NRXN2: variants seen among roughly 807,000 people sequenced by gnomAD.
The protein encoded by NRXN2 is neurexin-2-beta.
A neutral mutation model predicts 128.8 loss-of-function variants in NRXN2; 29 were observed. The observed-to-expected ratio is 0.23, with a 90% confidence interval of 0.17 to 0.31. NRXN2 has a LOEUF of 0.31. NRXN2 is among the 10% of genes least tolerant of loss of function. The pLI is 1.00. For synonymous variants in NRXN2, 1,098 were observed against 1,075.2 expected (o/e 1.02, Z -0.41); for missense variants, 1,881 against 2,452.6 (o/e 0.77, Z 4.92).
intron 2 of NRXN2, among the ~76,000 whole-genome samples, chr11:64,710,526 A>G (rs987907167): frequency 3.3e-5 from 5 of 152,040 alleles, no homozygotes; most frequent in Admixed American, 6.5e-5. Flanking sequence ...TGCATTTTTC[A>G]CACACCCAAG....
At position 64,690,452 on chromosome 11, in the gene NRXN2, C is replaced by A. The variant is rs370382400; in HGVS notation, c.803G>T (p.Gly268Val). The A allele has an allele frequency of 9.5e-5, 154 of 1,613,570 alleles. 2 individuals carry two copies. The South Asian group carries it at 1.1e-3, about 12-fold the overall frequency. The change falls in exon 5 of 23, where the codon GGG (glycine) becomes GTG (valine). Residue 268 changes from glycine (G) to valine (V), a missense_variant. By Grantham distance (109) the Gly-to-Val change is moderately radical. This residue lies in a region of NRXN2 where 997 missense variants were observed against 1,240.8 expected (regional missense o/e 0.80). Coordinates refer to ENST00000265459, the MANE Select transcript of NRXN2 (RefSeq NM_015080.4). ...GCCGGCTCCTCCTCTCCCGGCCCCC[C>A]CCTCGGAGAACAGTAAGGACCCTAC... ...SEVGSLLFSE[G>V]GAGRGGAGDV...
In NRXN2 at chr11:64,622,854, G is replaced by C; in HGVS notation, c.4072C>G (p.Leu1358Val). Residue 1358 changes from leucine to valine, a missense_variant, in exon 21 of 23, where the codon CTG becomes GTG. This residue lies in a region of NRXN2 where 108 missense variants were observed against 165.2 expected (regional missense o/e 0.65). Coordinates refer to ENST00000265459, the MANE Select transcript of NRXN2 (RefSeq NM_015080.4). The surrounding 1 kb of genome is among the most constrained non-coding windows in gnomAD (Gnocchi z 4.3). ...LSAETTATTL[L>V]ADMATTIMET... ...ATGATGGTGGTGGCCATGTCAGCCAGCAGGGTGGTGGCCGTGGTCTCCGCA... is the reference window on the plus strand; with the variant it reads ...ATGATGGTGGTGGCCATGTCAGCCACCAGGGTGGTGGCCGTGGTCTCCGCA... 6.2e-7 allele frequency: 1 copy of C among 1,612,656 alleles called. No individual in the cohort carries two copies. The highest frequency in any genetic ancestry group is 8.5e-7 in the Non-Finnish European group (1 of 1,179,908).
At position 64,622,646 on chromosome 11, in the gene NRXN2, C is replaced by A; in HGVS notation, c.4173+107G>T. 3 of 1,469,838 alleles carry A rather than the reference C, an allele frequency of 2.0e-6. No homozygotes were observed. Among genetic ancestry groups the A allele is most frequent in the Non-Finnish European group, 1.8e-6 (2 of 1,089,528 alleles). The allele number at this position is 1,469,838 out of a possible 1,614,324, so 91.0% of individuals were successfully genotyped here. A position where few individuals can be genotyped will look rare whatever the true frequency, so the allele number is the denominator to read the frequency against. On this transcript the variant is annotated intron_variant, in intron 21 of 22. Coordinates refer to ENST00000265459, the MANE Select transcript of NRXN2 (RefSeq NM_015080.4). The surrounding 1 kb of genome is among the most constrained non-coding windows in gnomAD (Gnocchi z 4.3). The stretch of plus-strand genomic sequence containing the variant: ...GCGACAGCAGCCTTCAGGATCCCAA[C>A]AGACCCCTTGGACCCTCACTCTAGG...
intron 11 of NRXN2, among the ~76,000 whole-genome samples, chr11:64,658,797 C>G (rs1050115336): frequency 2.0e-5 from 3 of 152,146 alleles, no homozygotes; most frequent in Non-Finnish European, 4.4e-5. Flanking sequence ...GAGGCCGAGG[C>G]GGGTGGATCA....
intron 5 of NRXN2, chr11:64,688,874 C>G: frequency 1.1e-6 from 1 of 928,306 alleles, no homozygotes; most frequent in Non-Finnish European, 1.3e-6. Flanking sequence ...CCCCTCCGCC[C>G]TCCCTACTCT....
chr11:64,720,942 G>A (rs1490757320), intron 1 of NRXN2, among the ~76,000 whole-genome samples: 1 of 152,142 alleles, frequency 6.6e-6, no homozygotes, highest in African/African-American at 2.4e-5. Flanking sequence ...GTGGTTGGAT[G>A]GGGGCTGTGT....
At position 64,651,557 on chromosome 11, in the gene NRXN2, G is replaced by A. The variant is rs754628467; in HGVS notation, c.2616C>T (p.Ser872=). The A allele has an allele frequency of 1.3e-5, 21 of 1,613,982 alleles. No individual in the cohort carries two copies. The highest frequency in any genetic ancestry group is 5.0e-5 in the Admixed American group (3 of 59,998). Residue 872 remains serine, a synonymous_variant, in exon 14 of 23, where the codon TCC becomes TCT. Coordinates refer to ENST00000265459, the MANE Select transcript of NRXN2 (RefSeq NM_015080.4). This position sits in a 1 kb window ranked among gnomAD's most constrained non-coding sequence, Gnocchi z 5.9. ...GCCCGATGAAGTTGGAGGGCACCAC[G>A]GAGATAAACCGCCGCTCCGTCATGA... ...TGIMTERRFI[S]VVPSNFIGHL... is the part of the protein sequence containing the mutation.
chr11:64,607,748 G>A lies in NRXN2; in HGVS notation c.4587C>T (p.Pro1529=). ...GGTTGGGCCGGGGAGCGGGTTTGCG[G>A]GGTGACAGGAGGGTGGTGCGGTCCG... ...LVTDRTTLLS[P]RKPAPRPNLR... is the part of the protein sequence containing the mutation. Residue 1529 remains proline (P), a synonymous_variant, in exon 23 of 23, where the codon CCC becomes CCT. Transcript: ENST00000265459. 1 of 1,580,250 alleles carries A rather than the reference G, an allele frequency of 6.3e-7. No individual in the cohort carries two copies. The highest frequency in any genetic ancestry group is 8.6e-7 in the Non-Finnish European group (1 of 1,163,462).
In NRXN2 at chr11:64,631,049, C is replaced by T. The variant is rs1339099901; in HGVS notation, c.3586-476G>A. Among the ~76,000 whole-genome samples the T allele has an allele frequency of 6.6e-6, 1 of 152,220 alleles. No homozygotes were observed. The highest frequency in any genetic ancestry group is 2.4e-5 in the African/African-American group (1 of 41,462). On this transcript the variant is annotated intron_variant, in intron 18 of 22. Transcript: ENST00000265459. The surrounding 1 kb of genome is among the most constrained non-coding windows in gnomAD (Gnocchi z 4.8). The stretch of plus-strand genomic sequence containing the variant: ...GTCCCCAGTCTCCAGCCTCTCCTCC[C>T]TGGTATGCTCTGTACCAAGCAGGCC...
At chr11:64,610,283 C>T (rs1388661750) in intron 22 of NRXN2, among the ~76,000 whole-genome samples, 1 of 152,168 alleles carries the variant, frequency 6.6e-6, no homozygotes, top group Non-Finnish European at 1.5e-5. Flanking sequence ...CTTTGAGCTA[C>T]GAGCAAAGTA....
rs1312586004 is a variant in NRXN2 at position 64,702,054 on chromosome 11, T to C, written c.731-4262A>G. Among the ~76,000 whole-genome samples, 152 of 103,526 alleles carry C rather than the reference T, an allele frequency of 1.5e-3. 2 individuals carry two copies. The highest frequency in any genetic ancestry group is 4.2e-3 in the African/African-American group (110 of 26,330). 67.9% of individuals were successfully genotyped at this position (103,526 alleles called of 152,430 possible). On this transcript the variant is annotated intron_variant, in intron 2 of 22. Transcript: ENST00000265459. Reference sequence around the variant, plus strand: ...GCCGCCCCGTCCGGGAGGTGAGGGGTGCCTCTGCCCTGCCGCCCCTACTGG... The same window carrying C: ...GCCGCCCCGTCCGGGAGGTGAGGGGCGCCTCTGCCCTGCCGCCCCTACTGG...
chr11:64,673,583 A>G (rs2050902495), intron 7 of NRXN2, among the ~76,000 whole-genome samples: 1 of 152,226 alleles, frequency 6.6e-6, no homozygotes, highest in South Asian at 2.1e-4. Context: ...ATCAGTCAGT[A>G]TTGCTCATGC....
At chr11:64,709,034 A>AT (rs911113575) in intron 2 of NRXN2, among the ~76,000 whole-genome samples, 1 of 152,094 alleles carries the variant, frequency 6.6e-6, no homozygotes, top group African/African-American at 2.4e-5. Context: ...TCTACTAAAA[A>AT]TACAAAAATT....
At chr11:64,608,139 C>A in intron 22 of NRXN2, 57 bp from the exon 23 acceptor site, 2 of 1,310,276 alleles carry the variant, frequency 1.5e-6, no homozygotes, top group East Asian at 4.7e-5. Context: ...AGGGCGCAGG[C>A]GGCCGGCACA....
intron 22 of NRXN2, among the ~76,000 whole-genome samples, chr11:64,610,332 G>A (rs762110165): frequency 4.6e-5 from 7 of 152,156 alleles, no homozygotes; most frequent in East Asian, 1.9e-4. Flanking sequence ...ATCCCAGCTC[G>A]TTATGGATAA....
In NRXN2 at chr11:64,712,976, T is replaced by C. The variant is rs763173413; in HGVS notation, c.724A>G (p.Ser242Gly). ...GCCGCTCCCCGGGGCTCACCTTCGC[T>C]GCAGAACTTGCCGCCGAAGCCCGTG... Reference protein sequence around the residue: ...SHTGFGGKFCSEEEHPMEGPA... With the variant: ...SHTGFGGKFCGEEEHPMEGPA... The change falls in exon 2 of 23, where the codon AGC (serine) becomes GGC (glycine). Residue 242 changes from serine to glycine, a missense_variant. Physicochemically the swap from Ser to Gly is moderately conservative, Grantham distance 56 (BLOSUM62 0). Around this residue, in one of 7 missense-constraint regions of NRXN2, gnomAD observed 997 missense variants for 1,240.8 expected, o/e 0.80. Coordinates refer to ENST00000265459, the MANE Select transcript of NRXN2 (RefSeq NM_015080.4). 6.7e-7 allele frequency: 1 copy of C among 1,501,088 alleles called. No individual in the cohort carries two copies. The highest frequency in any genetic ancestry group is 1.2e-5 in the South Asian group (1 of 81,260). 93.0% of individuals were successfully genotyped at this position (1,501,088 alleles called of 1,614,324 possible).
At chr11:64,707,291 G>A (rs2056438632) in intron 2 of NRXN2, among the ~76,000 whole-genome samples, 1 of 151,844 alleles carries the variant, frequency 6.6e-6, no homozygotes, top group Admixed American at 6.6e-5. Context: ...GGAGGACGAG[G>A]CAGGAGAATG....
chr11:64,671,881 C>T (rs1158209625), intron 7 of NRXN2, among the ~76,000 whole-genome samples: 4 of 152,082 alleles, frequency 2.6e-5, no homozygotes, highest in Admixed American at 6.5e-5. Flanking sequence ...CATTCGCCAC[C>T]GATCACCAAC....
intron 22 of NRXN2, among the ~76,000 whole-genome samples, chr11:64,609,915 T>C (rs1250399113): frequency 6.6e-6 from 1 of 152,068 alleles, no homozygotes; most frequent in Non-Finnish European, 1.5e-5. Flanking sequence ...GGGCCTCCAC[T>C]GCCAGGTCCC....
Sources: gnomAD v4.1 joint callset for allele counts (sites outside exome capture counted in the v4.1 genomes callset) on GRCh38, gnomAD v4.1.1 for gene constraint, gnomAD v4.1.1 regional missense constraint, Gnocchi (gnomAD v3.1) non-coding constraint, MANE v1.5 for transcripts, NCBI Gene and HGNC (gene_info 2026-07-23, HGNC 2026-07-21) for gene names.